The following CLEC16A variants were observed in gnomAD, a reference collection of about 807,000 sequenced individuals.
CLEC16A encodes the protein protein CLEC16A.
Under a neutral mutation model 109.5 loss-of-function variants are expected in CLEC16A, and 51 were observed. That is an observed-to-expected ratio of 0.47 (90% CI 0.37 to 0.59). CLEC16A has a LOEUF of 0.59. CLEC16A is among the 20% of genes least tolerant of loss of function. The probability of loss-of-function intolerance (pLI) is 0.00; values close to 1 mark genes in which losing one functional copy is unlikely to be tolerated. For missense variants in CLEC16A, 1,339 were observed against 1,394.0 expected, an observed-to-expected ratio of 0.96 and a Z score of 0.63; for synonymous variants, 673 against 564.2, an observed-to-expected ratio of 1.19 and a Z score of -2.73.
intron 19 of CLEC16A, among the ~76,000 whole-genome samples, chr16:11,097,073 T>C (rs11649025): frequency 0.1 from 15,295 of 152,192 alleles, 788 homozygotes; most frequent in East Asian, 0.12. Context: ...ATTTTTCCCT[T>C]TTTAAGTCCT....
chr16:11,154,445 C>G (rs188157575), intron 22 of CLEC16A, among the ~76,000 whole-genome samples: 3 of 152,146 alleles, frequency 2.0e-5, no homozygotes, highest in Non-Finnish European at 4.4e-5. Context: ...CATATAAATC[C>G]TTTAAACCTA....
At chr16:10,964,214 T>C (rs924759462) in intron 3 of CLEC16A, among the ~76,000 whole-genome samples, 2 of 152,214 alleles carry the variant, frequency 1.3e-5, no homozygotes, top group African/African-American at 2.4e-5. Context: ...TGCTGCTGCC[T>C]CAGAGACGCC....
intron 3 of CLEC16A, 88 bp from the exon 4 acceptor site, chr16:10,969,073 C>G (rs1243087563): frequency 1.2e-5 from 13 of 1,105,672 alleles, no homozygotes; most frequent in Non-Finnish European, 1.3e-6. Context: ...TTACCTGATT[C>G]AAGTACATTA....
chr16:10,999,741 AT>A (rs928614631), intron 10 of CLEC16A, among the ~76,000 whole-genome samples: 114 of 149,586 alleles, frequency 7.6e-4, no homozygotes, highest in African/African-American at 2.6e-3. Context: ...CTTGCAGCTG[AT>A]TTTTTTTTTC....
intron 13 of CLEC16A, among the ~76,000 whole-genome samples, chr16:11,033,560 G>A (rs2046863900): frequency 6.6e-6 from 1 of 152,176 alleles, no homozygotes; most frequent in Admixed American, 6.5e-5. Context: ...GAGGTTGGTT[G>A]AGTGATTGGT....
chr16:11,065,802 C>G (rs541073866), intron 19 of CLEC16A, among the ~76,000 whole-genome samples: 1 of 152,286 alleles, frequency 6.6e-6, no homozygotes, highest in South Asian at 2.1e-4. Context: ...AGAGGTGAGG[C>G]TGAGGTGGGA....
chr16:11,095,817 G>GAAAA (rs34366897), intron 19 of CLEC16A, among the ~76,000 whole-genome samples: 1 of 105,872 alleles, frequency 9.4e-6, no homozygotes, highest in Non-Finnish European at 1.9e-5. Context: ...GTCTCAAAAA[G>GAAAA]AAAAAAAAAA....
chr16:11,016,473 C>T (rs1377763321), intron 11 of CLEC16A, among the ~76,000 whole-genome samples: 5 of 151,970 alleles, frequency 3.3e-5, no homozygotes, highest in African/African-American at 1.2e-4. Context: ...CTCAGCCTCC[C>T]CAGTAGTTGG....
In CLEC16A at chr16:11,001,277, G is replaced by A. The variant is rs147456538; in HGVS notation, c.1072-1797G>A. Among the ~76,000 whole-genome samples, 275 of 152,212 alleles carry A rather than the reference G, an allele frequency of 1.8e-3. 8 individuals are homozygous for A. The East Asian group carries it at 0.05, about 28-fold the overall frequency. On this transcript the variant is annotated intron_variant, in intron 10 of 23. Transcript: ENST00000409790. ...ATTTTTCTATTTTTTGTAGAGATGG[G>A]GTTTTGCCATGTTGCCCAGGCTGGT...
chr16:11,098,588 C>T (rs923000944), intron 19 of CLEC16A, among the ~76,000 whole-genome samples: 5 of 152,208 alleles, frequency 3.3e-5, no homozygotes, highest in Non-Finnish European at 5.9e-5. Flanking sequence ...TCCATAGACC[C>T]TCCAGGGCCC....
Position 11,104,842 on chromosome 16 carries a change from G to A in CLEC16A, c.2117-15773G>A, listed in dbSNP as rs190073323. On this transcript the variant is annotated intron_variant, in intron 19 of 23. Transcript: ENST00000409790. ...GACACACAGTAGCCCCATAGCCCTA[G>A]GCACAAATGGGGTAGAGAGACCCTG... 7.9e-5 allele frequency among the ~76,000 whole-genome samples: 12 copies of A among 152,292 alleles called. No individual in the cohort carries two copies. The East Asian group carries it at 1.9e-3, about 24-fold the overall frequency.
intron 13 of CLEC16A, among the ~76,000 whole-genome samples, chr16:11,039,237 C>A (rs1427598752): frequency 6.6e-6 from 1 of 152,144 alleles, no homozygotes; most frequent in Non-Finnish European, 1.5e-5. Context: ...CTGCCAACCT[C>A]CCTTTTTAAC....
chr16:11,176,573 C>CA (rs1390884990), intron 23 of CLEC16A, among the ~76,000 whole-genome samples: 1 of 152,070 alleles, frequency 6.6e-6, no homozygotes, highest in Non-Finnish European at 1.5e-5. Flanking sequence ...CCCGTCTCTA[C>CA]AAAAAACTTT....
chr16:10,983,609 T>A (rs2043453355), intron 10 of CLEC16A, among the ~76,000 whole-genome samples: 1 of 152,176 alleles, frequency 6.6e-6, no homozygotes, highest in Non-Finnish European at 1.5e-5. Flanking sequence ...TTCCATTTGG[T>A]ACACTGCTGA....
At chr16:11,116,531 G>A (rs546918570) in intron 19 of CLEC16A, among the ~76,000 whole-genome samples, 5 of 152,304 alleles carry the variant, frequency 3.3e-5, no homozygotes, top group South Asian at 4.1e-4. Context: ...TGTAAAGACC[G>A]AGAGGACCAA....
intron 7 of CLEC16A, among the ~76,000 whole-genome samples, chr16:10,976,753 A>T (rs1285878514): frequency 6.6e-6 from 1 of 151,186 alleles, no homozygotes; most frequent in Non-Finnish European, 1.5e-5. Flanking sequence ...GGAGACCTCC[A>T]GGGCAGGGGC....
At chr16:10,975,263 A>T (rs558110216) in intron 7 of CLEC16A, among the ~76,000 whole-genome samples, 1 of 152,262 alleles carries the variant, frequency 6.6e-6, no homozygotes, top group Admixed American at 6.5e-5. Context: ...TAGGAGGTGG[A>T]GGTTGCAGTG....
chr16:11,039,700 G>A, intron 13 of CLEC16A, 54 bp from the exon 14 acceptor site: 1 of 1,552,142 alleles, frequency 6.4e-7, no homozygotes, highest in East Asian at 2.4e-5. Context: ...CTTTCGGTAT[G>A]AGGAGGTCAG....
At chr16:11,083,105 CA>C (rs2049819449) in intron 19 of CLEC16A, among the ~76,000 whole-genome samples, 1 of 152,182 alleles carries the variant, frequency 6.6e-6, no homozygotes, top group African/African-American at 2.4e-5. Context: ...AGCAGCTCAC[CA>C]TGTAGGGGGA....
Sources: allele counts gnomAD v4.1 joint callset (sites outside exome capture counted in the v4.1 genomes callset), GRCh38; gene constraint gnomAD v4.1.1; transcripts MANE v1.5; gene names NCBI Gene and HGNC (gene_info 2026-07-23, HGNC 2026-07-21).